The following CENPI variants were observed in gnomAD, a reference collection of about 807,000 sequenced individuals.
CENPI encodes the protein FSH primary response 1.
Under a neutral mutation model 60.4 loss-of-function variants are expected in CENPI, and 4 were observed. That is an observed-to-expected ratio of 0.07 (90% CI 0.03 to 0.15). The LOEUF (loss-of-function observed/expected upper bound fraction) is 0.15, where lower values mean the gene tolerates loss of function less well. Among genes scored for constraint, CENPI ranks in the 10% least tolerant of loss-of-function variants. CENPI has a pLI of 1.00. For synonymous variants in CENPI, 157 were observed against 189.4 expected (o/e 0.83, Z 1.40); for missense variants, 444 against 534.5 (o/e 0.83, Z 1.67).
At chrX:101,150,298 C>A (rs1055699078) in intron 20 of CENPI, among the ~76,000 whole-genome samples, 4 of 107,316 alleles carry the variant, frequency 3.7e-5, no homozygotes, top group Non-Finnish European at 7.6e-5. Flanking sequence ...GGTGCACATA[C>A]TGTATTTTAC....
chrX:101,112,866 C>T (rs1229966128), intron 6 of CENPI, among the ~76,000 whole-genome samples: 1 of 109,557 alleles, frequency 9.1e-6, no homozygotes, highest in Non-Finnish European at 1.9e-5. Context: ...ACTCTGTTGC[C>T]GTGCCCGGCT....
At position 101,163,088 on chromosome X, in the gene CENPI, T is replaced by A. The variant is rs762610368; in HGVS notation, c.*121T>A. On this transcript the variant is annotated 3_prime_UTR_variant, in exon 22 of 22. Coordinates refer to ENST00000682095, the MANE Select transcript of CENPI (RefSeq NM_001386188.2). Reference sequence around the variant, plus strand: ...ACAGACTGCCATCCTCAAGGAGTACTCAGACTGGCCTTCTGTTCATGGCTT... The same window carrying A: ...ACAGACTGCCATCCTCAAGGAGTACACAGACTGGCCTTCTGTTCATGGCTT... 1.1e-5 allele frequency: 8 copies of A among 740,969 alleles called. No individual in the cohort carries two copies. Among genetic ancestry groups the A allele is most frequent in the Non-Finnish European group, 1.6e-5 (8 of 498,968 alleles). 61.1% of individuals were successfully genotyped at this position (740,969 alleles called of 1,213,427 possible). A position where few individuals can be genotyped will look rare whatever the true frequency, so the allele number is the denominator to read the frequency against.
At chrX:101,117,389 G>A (rs1045662160) in intron 6 of CENPI, among the ~76,000 whole-genome samples, 1 of 111,169 alleles carries the variant, frequency 9.0e-6, no homozygotes, top group Non-Finnish European at 1.9e-5. Context: ...TAGTAGAGAC[G>A]GGGTTTCTCC....
At chrX:101,115,611 G>T (rs984148722) in intron 6 of CENPI, among the ~76,000 whole-genome samples, 5 of 110,013 alleles carry the variant, frequency 4.5e-5, no homozygotes, top group Non-Finnish European at 9.5e-5. Flanking sequence ...CAATCCTCTT[G>T]CCTCGGCCTC....
chrX:101,176,020 A>G, the CENPI span, among the ~76,000 whole-genome samples: 1 of 111,586 alleles, frequency 9.0e-6, no homozygotes, highest in South Asian at 3.8e-4. Flanking sequence ...TAGCTCCCAC[A>G]TATGAGTGAG....
Position 101,118,854 on chromosome X carries a change from C to T in CENPI, c.592-1548C>T, listed in dbSNP as rs767164755. On this transcript the variant is annotated intron_variant, in intron 6 of 21. Coordinates refer to ENST00000682095, the MANE Select transcript of CENPI (RefSeq NM_001386188.2). ...TTGCTATTCTCTGTGTAGTATATGG[C>T]AGATGTGGTCATAACATGTATTCTT... is the stretch of plus-strand genomic sequence containing the variant. Among the ~76,000 whole-genome samples, 6 of 111,526 alleles carry T rather than the reference C, an allele frequency of 5.4e-5. No individual in the cohort carries two copies. The East Asian group carries it at 1.7e-3, about 32-fold the overall frequency.
chrX:101,106,346 T>C (rs1347062596), intron 4 of CENPI, among the ~76,000 whole-genome samples: 2 of 111,468 alleles, frequency 1.8e-5, no homozygotes, highest in Non-Finnish European at 1.9e-5. Context: ...TGATGAGATA[T>C]ATTCTAATTC....
chrX:101,148,268 TAATTTTTTTTAAGTAACA>T, intron 20 of CENPI, 107 bp downstream of exon 20: 1 of 671,078 alleles, frequency 1.5e-6, no homozygotes, highest in South Asian at 2.7e-5. Context: ...GTGTGTTTAG[TAATTTTTTTTAAGTAACA>T]ACTAAATTTT....
Position 101,146,191 on chromosome X carries a change from G to A in CENPI, c.1740G>A (p.Val580=). 8.4e-7 allele frequency: 1 copy of A among 1,197,399 alleles called. No homozygotes were observed. Among genetic ancestry groups the A allele is most frequent in the South Asian group, 1.8e-5 (1 of 56,487 alleles). Residue 580 remains valine, a synonymous_variant, in exon 18 of 22, where the codon GTG becomes GTA. Transcript: ENST00000682095. ...DIYINYNLPL[V]VLFPPGIFYS... is the part of the protein sequence containing the mutation. The stretch of plus-strand genomic sequence containing the variant: ...ATATAAATTATAACCTTCCATTAGT[G>A]GTATTGTTTCCTCCTGGGATCTTCT...
At chrX:101,146,341 A>G (rs1023208731) in intron 18 of CENPI, 64 bp downstream of exon 18, 4 of 1,012,509 alleles carry the variant, frequency 4.0e-6, no homozygotes, top group East Asian at 3.3e-5. Context: ...TCTTTCAGCT[A>G]TAATACAATA....
intron 2 of CENPI, among the ~76,000 whole-genome samples, chrX:101,099,392 C>T (rs1308633540): frequency 2.8e-5 from 3 of 106,788 alleles, no homozygotes; most frequent in African/African-American, 1.0e-4. Context: ...AGAGATTGCG[C>T]CACTGCAGTC....
chrX:101,126,555 G>T (rs371944146), intron 8 of CENPI, among the ~76,000 whole-genome samples, 154 bp from the exon 9 acceptor site: 1 of 111,942 alleles, frequency 8.9e-6, no homozygotes, highest in African/African-American at 3.2e-5. Flanking sequence ...TTAAATGTCT[G>T]GTTACTCATT....
chrX:101,106,589 G>T (rs953023552), intron 4 of CENPI, among the ~76,000 whole-genome samples: 2 of 109,882 alleles, frequency 1.8e-5, no homozygotes, highest in Non-Finnish European at 3.8e-5. Context: ...GCTAAGTTTT[G>T]TATTTTTAGT....
intron 6 of CENPI, among the ~76,000 whole-genome samples, chrX:101,114,059 A>C (rs757596347): frequency 2.0e-4 from 22 of 111,835 alleles, no homozygotes; most frequent in Non-Finnish European, 4.0e-4. Context: ...GAGTTTGAGA[A>C]CAGCCTGGCC....
chrX:101,122,507 A>G (rs1346736388), intron 8 of CENPI, among the ~76,000 whole-genome samples: 1 of 112,130 alleles, frequency 8.9e-6, no homozygotes, highest in Non-Finnish European at 1.9e-5. Context: ...ACATTAATAG[A>G]AATTATGAAA....
intron 15 of CENPI, among the ~76,000 whole-genome samples, chrX:101,138,877 C>T (rs2089879475): frequency 9.2e-6 from 1 of 108,806 alleles, no homozygotes; most frequent in African/African-American, 3.3e-5. Context: ...CTGCCCACCT[C>T]AGCCTCCCAA....
chrX:101,158,059 C>G (rs1381350615), intron 20 of CENPI, among the ~76,000 whole-genome samples: 1 of 111,372 alleles, frequency 9.0e-6, no homozygotes, highest in Non-Finnish European at 1.9e-5. Flanking sequence ...CAATGTTTGT[C>G]TTTCTGTGCT....
chrX:101,171,530 A>G, the CENPI span, among the ~76,000 whole-genome samples: 3 of 111,623 alleles, frequency 2.7e-5, no homozygotes, highest in Non-Finnish European at 5.6e-5. Flanking sequence ...TTGATCTTCC[A>G]GGCTCACTCA....
At chrX:101,138,643 T>TA (rs1415954292) in intron 15 of CENPI, among the ~76,000 whole-genome samples, 9 of 107,542 alleles carry the variant, frequency 8.4e-5, no homozygotes, top group Non-Finnish European at 1.5e-4. Flanking sequence ...TTTTTTTTCC[T>TA]GAGATGGGAT....
Sources: gnomAD v4.1 joint callset for allele counts (sites outside exome capture counted in the v4.1 genomes callset) on GRCh38, gnomAD v4.1.1 for gene constraint, MANE v1.5 for transcripts, NCBI Gene and HGNC (gene_info 2026-07-23, HGNC 2026-07-21) for gene names.